The following JAK2 variants were observed in gnomAD, a reference collection of about 807,000 sequenced individuals.
The protein encoded by JAK2 is Janus kinase 2.
Under a neutral mutation model 139.3 loss-of-function variants are expected in JAK2, and 86 were observed. The observed-to-expected ratio is 0.62, with a 90% CI of 0.52 to 0.74. JAK2 has a LOEUF of 0.74. Among genes scored for constraint, JAK2 ranks in the 30% least tolerant of loss-of-function variants. JAK2 has a pLI of 0.00. For missense variants in JAK2, 1,421 were observed against 1,360.3 expected, an observed-to-expected ratio of 1.04 and a Z score of -0.70; for synonymous variants, 490 against 437.7, an observed-to-expected ratio of 1.12 and a Z score of -1.49.
chr9:5,122,893 A>G, intron 22 of JAK2, 111 bp from the exon 23 acceptor site: 1 of 644,622 alleles, frequency 1.6e-6, no homozygotes, highest in Non-Finnish European at 2.6e-6. Context: ...CTGCTGTGAT[A>G]ACTCTTTTCT....
chr9:5,019,906 C>A (rs1385069722), intron 2 of JAK2, among the ~76,000 whole-genome samples: 1 of 152,180 alleles, frequency 6.6e-6, no homozygotes, highest in African/African-American at 2.4e-5. Flanking sequence ...TGGACTGATC[C>A]TCAGTCCTCA....
Position 5,063,726 on chromosome 9 carries a change from T to C in JAK2, c.1057-1157T>C, listed in dbSNP as rs1264605871. 2.0e-5 allele frequency among the ~76,000 whole-genome samples: 3 copies of C among 152,250 alleles called. No individual in the cohort carries two copies. In the East Asian group the frequency reaches 5.8e-4, roughly 29 times the overall value. The stretch of plus-strand genomic sequence containing the variant: ...TGAAGTTTTTGTTAATTATTGATAT[T>C]GCATCCTCTTTGTTACAAATGGGGC... On this transcript the variant is annotated intron_variant, in intron 8 of 24. Transcript: ENST00000381652.
intron 2 of JAK2, among the ~76,000 whole-genome samples, chr9:5,017,604 T>C (rs1334389885): frequency 6.6e-6 from 1 of 152,236 alleles, no homozygotes; most frequent in Non-Finnish European, 1.5e-5. Flanking sequence ...TCCTTTTTGA[T>C]GTAGGTATTT....
rs774426615 is a variant in JAK2, at chr9:5,044,447, A to G, written c.395A>G (p.Tyr132Cys). The G allele has an allele frequency of 6.2e-6, 10 of 1,613,402 alleles. No individual in the cohort carries two copies. Among genetic ancestry groups the G allele is most frequent in the East Asian group, 2.2e-5 (1 of 44,846 alleles). Reference protein sequence around the residue: ...RWYCSGSNRAYRHGISRGAEA... With the variant: ...RWYCSGSNRACRHGISRGAEA... Reference sequence around the variant, plus strand: ...TATTGCAGTGGCAGCAACAGAGCCTATCGGCATGGAATATCTCGAGGTGCT... The same window carrying G: ...TATTGCAGTGGCAGCAACAGAGCCTGTCGGCATGGAATATCTCGAGGTGCT... The change falls in exon 5 of 25, where the codon TAT (tyrosine) becomes TGT (cysteine). Residue 132 changes from tyrosine (Y) to cysteine (C), a missense_variant. By Grantham distance (194) the Tyr-to-Cys change is radical. Coordinates refer to ENST00000381652, the MANE Select transcript of JAK2 (RefSeq NM_004972.4).
chr9:5,054,710 TCTTA>T lies in JAK2; in HGVS notation c.763_766del (p.Leu255Ter). ...CTGCCAGAAACTTGAAACTTAAGTA[TCTTA>T]TAAATCTGGAAACTCTGCAGTCTGC... On this transcript the variant is annotated frameshift_variant, in exon 7 of 25. Coordinates refer to ENST00000381652, the MANE Select transcript of JAK2 (RefSeq NM_004972.4). LOFTEE classifies it high-confidence loss of function. This position sits in a 1 kb window ranked among gnomAD's most constrained non-coding sequence, Gnocchi z 4.9. The T allele has an allele frequency of 6.2e-7, 1 of 1,613,352 alleles. No homozygotes were observed. The highest frequency in any genetic ancestry group is 8.5e-7 in the Non-Finnish European group (1 of 1,179,440).
At position 5,083,741 on chromosome 9, in the gene JAK2, A is replaced by G. The variant is rs572831941; in HGVS notation, c.2571+1880A>G. 4.0e-5 allele frequency among the ~76,000 whole-genome samples: 6 copies of G among 151,620 alleles called. No individual in the cohort carries two copies. In the South Asian group the frequency reaches 1.2e-3, roughly 32 times the overall value. On this transcript the variant is annotated intron_variant, in intron 19 of 24. Transcript: ENST00000381652. ...CAAAAGATCACTAATTTAGATTAAC[A>G]AAAGGGAAACAGCAGACTAAATTAT... is the stretch of plus-strand genomic sequence containing the variant.
chr9:5,119,064 T>A (rs1823419412), intron 22 of JAK2, among the ~76,000 whole-genome samples: 1 of 152,174 alleles, frequency 6.6e-6, no homozygotes, highest in African/African-American at 2.4e-5. Flanking sequence ...ATTATTAACA[T>A]ATTTTATCAT....
At chr9:4,998,455 C>G (rs979436636) in intron 2 of JAK2, among the ~76,000 whole-genome samples, 1 of 152,190 alleles carries the variant, frequency 6.6e-6, no homozygotes, top group African/African-American at 2.4e-5. Flanking sequence ...CGGGGTTTCA[C>G]CATGTTGGTC....
chr9:5,090,639 T>C, intron 21 of JAK2, 69 bp downstream of exon 21: 5 of 1,527,302 alleles, frequency 3.3e-6, no homozygotes, highest in Admixed American at 2.2e-5. Context: ...GGAAATCATC[T>C]AGACGTTTTC....
intron 22 of JAK2, among the ~76,000 whole-genome samples, chr9:5,106,842 TG>T (rs1822001175): frequency 6.6e-6 from 1 of 151,994 alleles, no homozygotes; most frequent in Non-Finnish European, 1.5e-5. Context: ...AGGTGGGAGT[TG>T]AACAATGAGA....
chr9:5,015,807 C>T (rs1315809377), intron 2 of JAK2, among the ~76,000 whole-genome samples: 5 of 152,038 alleles, frequency 3.3e-5, no homozygotes, highest in African/African-American at 1.2e-4. Flanking sequence ...CTATGGAATT[C>T]TGGGATATGA....
chr9:5,126,248 T>C, intron 23 of JAK2, 85 bp from the exon 24 acceptor site: 1 of 889,790 alleles, frequency 1.1e-6, no homozygotes, highest in Non-Finnish European at 1.8e-6. Context: ...TATACTAAAT[T>C]TTTTCCCATT....
intron 8 of JAK2, among the ~76,000 whole-genome samples, chr9:5,062,140 C>T (rs1818220332): frequency 6.6e-6 from 1 of 151,902 alleles, no homozygotes; most frequent in Admixed American, 6.6e-5. Context: ...AATTTTTTTT[C>T]AGCCAAACAT....
At chr9:4,985,211 C>G (rs1157547832), upstream of JAK2, 4 of 152,692 alleles carry the variant, frequency 2.6e-5, no homozygotes, top group Admixed American at 6.5e-5. Flanking sequence ...CTGTGACGGG[C>G]TTCCCGGCTG....
chr9:5,107,020 T>TA (rs1393814178), intron 22 of JAK2, among the ~76,000 whole-genome samples: 1 of 152,146 alleles, frequency 6.6e-6, no homozygotes, highest in Non-Finnish European at 1.5e-5. Flanking sequence ...CCCTAGAACT[T>TA]AAAGTATAAT....
chr9:5,121,625 A>C (rs1188103049), intron 22 of JAK2, among the ~76,000 whole-genome samples: 3 of 152,190 alleles, frequency 2.0e-5, no homozygotes. Context: ...ATGGGTCACA[A>C]AACTGGCAAG....
At chr9:5,064,189 C>T (rs901864388) in intron 8 of JAK2, among the ~76,000 whole-genome samples, 2 of 152,004 alleles carry the variant, frequency 1.3e-5, no homozygotes, top group African/African-American at 2.4e-5. Context: ...AGCATAGCTA[C>T]ATATCCTAAC....
At chr9:5,114,545 C>T in intron 22 of JAK2, 1 of 478,952 alleles carries the variant, frequency 2.1e-6, no homozygotes, top group Non-Finnish European at 4.1e-6. Context: ...AGGACAAGCG[C>T]ACCCTCACCT....
intron 22 of JAK2, among the ~76,000 whole-genome samples, chr9:5,093,624 ACCT>A (rs1160196473): frequency 1.3e-5 from 2 of 152,112 alleles, no homozygotes; most frequent in Admixed American, 1.3e-4. Context: ...GGTTGGGGTG[ACCT>A]CATAGCATAT....
Sources: allele counts gnomAD v4.1 joint callset (sites outside exome capture counted in the v4.1 genomes callset), GRCh38; gene constraint gnomAD v4.1.1; non-coding constraint Gnocchi (gnomAD v3.1); transcripts MANE v1.5; gene names NCBI Gene and HGNC (gene_info 2026-07-23, HGNC 2026-07-21).